The following NALF1 variants were observed in gnomAD, a reference collection of about 807,000 sequenced individuals.
The protein encoded by NALF1 is NALCN channel auxiliary factor 1, also known as family with sequence similarity 155 member A.
Under a neutral mutation model 48.4 loss-of-function variants are expected in NALF1, and 3 were observed. The observed-to-expected ratio is 0.06, with a 90% CI of 0.03 to 0.16. The LOEUF is 0.16. Ranked by LOEUF, NALF1 falls within the 10% of genes least tolerant of loss-of-function variation. The pLI is 1.00. For missense variants in NALF1, 526 were observed against 571.5 expected (o/e 0.92, Z 0.81); for synonymous variants, 262 against 245.7 (o/e 1.07, Z -0.62).
intron 1 of NALF1, among the ~76,000 whole-genome samples, chr13:107,382,183 G>A (rs1489039025): frequency 6.6e-6 from 1 of 152,156 alleles, no homozygotes; most frequent in African/African-American, 2.4e-5. Flanking sequence ...ACACAAGTGT[G>A]AATCCACTGT....
At chr13:107,852,421 C>T (rs542053587) in intron 1 of NALF1, among the ~76,000 whole-genome samples, 9 of 152,282 alleles carry the variant, frequency 5.9e-5, no homozygotes, top group Non-Finnish European at 1.2e-4. Flanking sequence ...TCATTTGTTG[C>T]TCTACTATGC....
chr13:107,336,780 T>C (rs996121977), intron 1 of NALF1, among the ~76,000 whole-genome samples: 2 of 152,166 alleles, frequency 1.3e-5, no homozygotes, highest in Non-Finnish European at 2.9e-5. Context: ...GGTTCATAAA[T>C]GAGTTGATTT....
chr13:107,270,035 G>A (rs957494063), intron 1 of NALF1, among the ~76,000 whole-genome samples: 2 of 149,264 alleles, frequency 1.3e-5, no homozygotes, highest in African/African-American at 2.5e-5. Flanking sequence ...CTCCCAAAGT[G>A]CTGGGATTAC....
rs75696150 is a variant in NALF1, at chr13:107,352,557, C to T, written c.916-141802G>A. ...CCAGGTTGCAGGGTGCCAACTTCTC[C>T]TTGTGCTCTCACAAGGAGGAAAGAT... On this transcript the variant is annotated intron_variant, in intron 1 of 2. Transcript: ENST00000375915. Among the ~76,000 whole-genome samples, 44 of 152,256 alleles carry T rather than the reference C, an allele frequency of 2.9e-4. No homozygotes were observed. In the East Asian group the frequency reaches 5.0e-3, roughly 17 times the overall value.
intron 1 of NALF1, among the ~76,000 whole-genome samples, chr13:107,283,133 C>CA (rs1416883151): frequency 6.6e-6 from 1 of 152,122 alleles, no homozygotes; most frequent in African/African-American, 2.4e-5. Context: ...ATTGGCCGCA[C>CA]TGAGATTATG....
chr13:107,507,563 T>C (rs1282967067), intron 1 of NALF1, among the ~76,000 whole-genome samples: 8 of 134,480 alleles, frequency 5.9e-5, no homozygotes, highest in African/African-American at 2.3e-4. Context: ...TCTCCCATCA[T>C]GTCCTAGATG....
Position 107,170,422 on chromosome 13 carries a change from T to C in NALF1, c.*75A>G, listed in dbSNP as rs1193174824. Reference sequence around the variant, plus strand: ...GTAATTCGAGGGTAAAAGCACCCAGTTTCTGTTACATGAGACAGCAGTTGC... The same window carrying C: ...GTAATTCGAGGGTAAAAGCACCCAGCTTCTGTTACATGAGACAGCAGTTGC... On this transcript the variant is annotated 3_prime_UTR_variant, in exon 3 of 3. Coordinates refer to ENST00000375915, the MANE Select transcript of NALF1 (RefSeq NM_001080396.3). 1 of 1,460,596 alleles carries C rather than the reference T, an allele frequency of 6.8e-7. No individual in the cohort carries two copies. Among genetic ancestry groups the C allele is most frequent in the Non-Finnish European group, 9.3e-7 (1 of 1,080,846 alleles). The allele number at this position is 1,460,596 out of a possible 1,614,324, so 90.5% of individuals were successfully genotyped here. A position where few individuals can be genotyped will look rare whatever the true frequency, so the allele number is the denominator to read the frequency against.
intron 1 of NALF1, among the ~76,000 whole-genome samples, chr13:107,476,046 T>C (rs1338887932): frequency 6.6e-6 from 1 of 152,202 alleles, no homozygotes; most frequent in African/African-American, 2.4e-5. Flanking sequence ...TAAACATCTA[T>C]ATTCTTTTGA....
At chr13:107,370,135 G>GA (rs34449439) in intron 1 of NALF1, among the ~76,000 whole-genome samples, 4 of 151,440 alleles carry the variant, frequency 2.6e-5, no homozygotes, top group Non-Finnish European at 4.4e-5. Flanking sequence ...TTGGTTTGAG[G>GA]AAAAAAAAAT....
At chr13:107,673,673 G>T (rs1012041135) in intron 1 of NALF1, among the ~76,000 whole-genome samples, 10 of 152,144 alleles carry the variant, frequency 6.6e-5, no homozygotes, top group African/African-American at 2.4e-4. Flanking sequence ...ACAGCTAGAA[G>T]AATAGTGAAT....
At chr13:107,759,985 A>G (rs1424107716) in intron 1 of NALF1, among the ~76,000 whole-genome samples, 1 of 152,126 alleles carries the variant, frequency 6.6e-6, no homozygotes, top group Non-Finnish European at 1.5e-5. Flanking sequence ...TGAAATATCT[A>G]TCTAGTAATA....
intron 1 of NALF1, among the ~76,000 whole-genome samples, chr13:107,561,555 G>A (rs1041934837): frequency 2.6e-5 from 4 of 152,192 alleles, no homozygotes; most frequent in Admixed American, 6.5e-5. Flanking sequence ...CCAAGGTGAC[G>A]TGTGAGATTT....
intron 1 of NALF1, among the ~76,000 whole-genome samples, chr13:107,483,547 A>C (rs1885284841): frequency 6.6e-6 from 1 of 152,132 alleles, no homozygotes; most frequent in Non-Finnish European, 1.5e-5. Context: ...TGCATACAAA[A>C]CTGTAGGCCT....
intron 1 of NALF1, among the ~76,000 whole-genome samples, chr13:107,728,193 C>G (rs1437309808): frequency 6.6e-6 from 1 of 152,052 alleles, no homozygotes; most frequent in Non-Finnish European, 1.5e-5. Flanking sequence ...GGGTATATAC[C>G]CAAAGGATTA....
intron 1 of NALF1, among the ~76,000 whole-genome samples, chr13:107,420,418 C>A (rs1314492296): frequency 6.6e-6 from 1 of 152,016 alleles, no homozygotes; most frequent in Admixed American, 6.6e-5. Context: ...AAAGGAAAAA[C>A]AAATACATCA....
At chr13:107,745,977 A>T (rs1452904110) in intron 1 of NALF1, among the ~76,000 whole-genome samples, 1 of 152,176 alleles carries the variant, frequency 6.6e-6, no homozygotes, top group Non-Finnish European at 1.5e-5. Context: ...TTTACATTTC[A>T]TTCTGCTGCC....
chr13:107,532,381 G>T (rs1304386413), intron 1 of NALF1, among the ~76,000 whole-genome samples: 2 of 152,006 alleles, frequency 1.3e-5, no homozygotes, highest in Non-Finnish European at 2.9e-5. Flanking sequence ...CTGTTTTGCT[G>T]CTTCCTTTCT....
chr13:107,312,010 A>G (rs1035872234), intron 1 of NALF1, among the ~76,000 whole-genome samples: 5 of 152,184 alleles, frequency 3.3e-5, no homozygotes, highest in African/African-American at 7.2e-5. Context: ...GGAAGTCAGT[A>G]TGGCGATTCC....
chr13:107,403,188 CTTTTTTTTTTTTTTTTTT>C (rs10710356), intron 1 of NALF1, among the ~76,000 whole-genome samples: 2 of 42,488 alleles, frequency 4.7e-5, no homozygotes, highest in South Asian at 2.7e-3. Flanking sequence ...CTTGTTCGGG[CTTTTTTTTTTTTTTTTTT>C]TTTTTTTTTT....
Sources: allele counts gnomAD v4.1 joint callset (sites outside exome capture counted in the v4.1 genomes callset), GRCh38; gene constraint gnomAD v4.1.1; transcripts MANE v1.5; gene names NCBI Gene and HGNC (gene_info 2026-07-23, HGNC 2026-07-21).